Variants in DCLRE1A observed in about 807,000 individuals in gnomAD.
DCLRE1A encodes DNA cross-link repair 1A.
A neutral mutation model predicts 91.9 loss-of-function variants in DCLRE1A; 64 were observed. The ratio of observed to expected loss-of-function variants is 0.70; its 90% CI spans 0.57 to 0.86. The LOEUF (loss-of-function observed/expected upper bound fraction) is 0.86, where lower values mean the gene tolerates loss of function less well. DCLRE1A is among the 40% of genes least tolerant of loss of function. The pLI is 0.00. For missense variants in DCLRE1A, 1,145 were observed against 1,213.3 expected, an observed-to-expected ratio of 0.94 and a Z score of 0.84; for synonymous variants, 416 against 431.1, an observed-to-expected ratio of 0.96 and a Z score of 0.43.
Position 113,849,849 on chromosome 10 carries a change from G to T in DCLRE1A, c.1256C>A (p.Ala419Asp). The change falls in exon 2 of 9, where the codon GCT becomes GAT. Residue 419 changes from alanine to aspartate, a missense_variant. Ala to Asp is a moderately radical substitution (Grantham distance 126). Transcript: ENST00000361384. Reference protein sequence around the residue: ...LFPPALAGKLAASVHQATKAK... With the variant: ...LFPPALAGKLDASVHQATKAK... ...TTTAGTTGCCTGATGAACAGAAGCAGCAAGCTTCCCTGCCAATGCAGGTGG... is the reference window on the plus strand; with the variant it reads ...TTTAGTTGCCTGATGAACAGAAGCATCAAGCTTCCCTGCCAATGCAGGTGG... 1 of 1,613,962 alleles carries T rather than the reference G, an allele frequency of 6.2e-7. No individual in the cohort carries two copies. The highest frequency in any genetic ancestry group is 8.5e-7 in the Non-Finnish European group (1 of 1,180,012).
Position 113,849,865 on chromosome 10 carries a change from A to G in DCLRE1A, c.1240T>C (p.Leu414=), listed in dbSNP as rs762232394. Residue 414 remains leucine (L), a synonymous_variant, in exon 2 of 9, where the codon TTG becomes CTG. Coordinates refer to ENST00000361384, the MANE Select transcript of DCLRE1A (RefSeq NM_014881.5). ...ACAGAAGCAGCAAGCTTCCCTGCCA[A>G]TGCAGGTGGAAACAACACAAAATCA... is the stretch of plus-strand genomic sequence containing the variant. ...GGDFVLFPPA[L]AGKLAASVHQ... 3.7e-6 allele frequency: 6 copies of G among 1,613,896 alleles called. No homozygotes were observed. The highest frequency in any genetic ancestry group is 3.3e-5 in the South Asian group (3 of 91,092).
chr10:113,842,259 A>G (rs575146135), intron 6 of DCLRE1A, 84 bp downstream of exon 6: 8 of 1,157,896 alleles, frequency 6.9e-6, no homozygotes, highest in Non-Finnish European at 9.5e-6. Context: ...ATCAAATGCA[A>G]GAGTAGAAAC....
chr10:113,839,360 C>T (rs1007402872), intron 7 of DCLRE1A, among the ~76,000 whole-genome samples: 6 of 148,346 alleles, frequency 4.0e-5, no homozygotes, highest in African/African-American at 7.4e-5. Flanking sequence ...AGAAATCTTC[C>T]GAAAATATTT....
intron 1 of DCLRE1A, 115 bp downstream of exon 1, chr10:113,852,608 T>C: frequency 1.0e-6 from 1 of 992,562 alleles, no homozygotes; most frequent in Non-Finnish European, 1.5e-6. Context: ...TTTCCCAGTG[T>C]CTCATCTCTC....
rs554293329 is a variant in DCLRE1A, at chr10:113,841,495, G to A, written c.2731C>T (p.Leu911Phe). 2 of 1,613,558 alleles carry A rather than the reference G, an allele frequency of 1.2e-6. No individual in the cohort carries two copies. Among genetic ancestry groups the A allele is most frequent in the South Asian group, 1.1e-5 (1 of 91,030 alleles). Residue 911 changes from leucine (L) to phenylalanine (F), a missense_variant, in exon 7 of 9, where the codon CTC becomes TTC. Transcript: ENST00000361384. Reference sequence around the variant, plus strand: ...AGTGAATTAATTTCTGGTATATTGAGGCACTGTAGAGTTTTATATTTTTCC... The same window carrying A: ...AGTGAATTAATTTCTGGTATATTGAAGCACTGTAGAGTTTTATATTTTTCC... ...SQEKYKTLQC[L>F]NIPEINSLIT... is the part of the protein sequence containing the mutation.
Position 113,849,953 on chromosome 10 carries a change from C to T in DCLRE1A, c.1152G>A (p.Leu384=). 1 of 1,614,104 alleles carries T rather than the reference C, an allele frequency of 6.2e-7. No individual in the cohort carries two copies. Among genetic ancestry groups the T allele is most frequent in the Non-Finnish European group, 8.5e-7 (1 of 1,180,034 alleles). Residue 384 remains leucine, a synonymous_variant, in exon 2 of 9, where the codon TTG becomes TTA. Transcript: ENST00000361384. ...CATTATTTTGAGAAATAGGTTGAGA[C>T]AAATCATTTAGACTATTGAATCTAT... ...GLYRFNSLND[L]SQPISQNNES... is the part of the protein sequence containing the mutation.
Position 113,849,566 on chromosome 10 carries a change from C to T in DCLRE1A, c.1539G>A (p.Val513=). ...ACFCRKALEG[V]PVGKATILNT... ...TTAAAATTGTAGCTTTACCAACTGG[C>T]ACACCCTCTAATGCCTTTCTGCAGA... Residue 513 remains valine (V), a synonymous_variant, in exon 2 of 9, where the codon GTG becomes GTA. Transcript: ENST00000361384. 6.2e-7 allele frequency: 1 copy of T among 1,613,800 alleles called. No homozygotes were observed. Among genetic ancestry groups the T allele is most frequent in the South Asian group, 1.1e-5 (1 of 91,078 alleles).
intron 1 of DCLRE1A, among the ~76,000 whole-genome samples, chr10:113,851,720 T>C (rs1845652783): frequency 6.7e-6 from 1 of 149,266 alleles, no homozygotes; most frequent in Admixed American, 6.7e-5. Context: ...ATTATATCTA[T>C]ACTTTTTTTT....
rs1845343637 is a variant in DCLRE1A at position 113,835,200 on chromosome 10, G to A, written c.3075C>T (p.Ser1025=). Residue 1025 remains serine (S), a synonymous_variant, in exon 9 of 9, where the codon AGC becomes AGT. Transcript: ENST00000361384. ...ACTCTCTAAAATATTTCTCCATTGT[G>A]CTCCTAGATTTCCAGGTGCCCACAT... is the stretch of plus-strand genomic sequence containing the variant. The part of the protein sequence containing the change: ...TVNVGTWKSR[S]TMEKYFREWK... The A allele has an allele frequency of 6.8e-6, 11 of 1,613,976 alleles. No homozygotes were observed. Among genetic ancestry groups the A allele is most frequent in the Non-Finnish European group, 9.3e-6 (11 of 1,179,984 alleles).
In DCLRE1A at chr10:113,844,209, G is replaced by A. The variant is rs1219320049; in HGVS notation, c.2414C>T (p.Pro805Leu). 6.2e-7 allele frequency: 1 copy of A among 1,613,936 alleles called. No individual in the cohort carries two copies. Among genetic ancestry groups the A allele is most frequent in the Non-Finnish European group, 8.5e-7 (1 of 1,179,992 alleles). ...PGAVMILFYL[P>L]NGTVILHTGD... ...CGTGTGTAATATGACAGTACCATTA[G>A]GAAGATAAAAGAGGATCATGACAGC... The change falls in exon 5 of 9, where the codon CCT (proline) becomes CTT (leucine). Residue 805 changes from proline to leucine, a missense_variant. By Grantham distance (98) the Pro-to-Leu change is moderately conservative. Coordinates refer to ENST00000361384, the MANE Select transcript of DCLRE1A (RefSeq NM_014881.5).
Position 113,837,197 on chromosome 10 carries a change from G to GTAAGA in DCLRE1A, c.2826_2827insTCTTA (p.Gln943SerfsTer6), listed in dbSNP as rs1334289688. 6.2e-7 allele frequency: 1 copy of GTAAGA among 1,608,066 alleles called. No individual in the cohort carries two copies. The highest frequency in any genetic ancestry group is 8.5e-7 in the Non-Finnish European group (1 of 1,178,252). On this transcript the variant is annotated frameshift_variant, in exon 8 of 9. Transcript: ENST00000361384. LOFTEE classifies it high-confidence loss of function. ...CCACCACACTTCTTCAAATGACTCT[G>GTAAGA]TAAGCCCTGTTAAATTAAAATAGCA...
chr10:113,835,395 C>A, intron 8 of DCLRE1A, 83 bp from the exon 9 acceptor site: 1 of 1,394,022 alleles, frequency 7.2e-7, no homozygotes. Flanking sequence ...TAGAATAAAA[C>A]AAAAGAGAAA....
chr10:113,847,969 C>T (rs1390788646), intron 2 of DCLRE1A, among the ~76,000 whole-genome samples: 1 of 152,176 alleles, frequency 6.6e-6, no homozygotes, highest in Non-Finnish European at 1.5e-5. Context: ...ATAAGCATAA[C>T]TTCCCAATTC....
chr10:113,844,299 A>G, intron 4 of DCLRE1A, 55 bp from the exon 5 acceptor site: 1 of 1,599,978 alleles, frequency 6.3e-7, no homozygotes, highest in East Asian at 2.2e-5. Context: ...CTAAAGGAAC[A>G]GTATCTATTT....
intron 1 of DCLRE1A, among the ~76,000 whole-genome samples, chr10:113,851,709 C>T (rs1845652566): frequency 6.6e-6 from 1 of 151,212 alleles, no homozygotes; most frequent in Non-Finnish European, 1.5e-5. Context: ...TTAGAAACCA[C>T]ATTATATCTA....
chr10:113,848,447 A>C (rs1845578331), intron 2 of DCLRE1A, among the ~76,000 whole-genome samples: 1 of 152,244 alleles, frequency 6.6e-6, no homozygotes, highest in Admixed American at 6.5e-5. Context: ...ACATCAATAA[A>C]GCACTTTAAA....
chr10:113,840,837 G>A (rs1300191222), intron 7 of DCLRE1A, among the ~76,000 whole-genome samples: 2 of 152,092 alleles, frequency 1.3e-5, no homozygotes, highest in Non-Finnish European at 2.9e-5. Context: ...TGGAATAAAC[G>A]TTAGTTAGTA....
intron 1 of DCLRE1A, among the ~76,000 whole-genome samples, chr10:113,851,168 T>C (rs907409448): frequency 6.6e-6 from 1 of 152,230 alleles, no homozygotes; most frequent in Admixed American, 6.5e-5. Flanking sequence ...GCTTCATCTA[T>C]ATGACATTTT....
rs1216821948 is a variant in DCLRE1A at position 113,853,656 on chromosome 10, T to G, written c.-474A>C. On this transcript the variant is annotated 5_prime_UTR_variant, in exon 1 of 9. Transcript: ENST00000361384. The stretch of plus-strand genomic sequence containing the variant: ...AATTCATAAATCCAACCACAGTCCC[T>G]GGACAAAGGGCTTAACAGGTATCCC... 1 of 154,458 alleles carries G rather than the reference T, an allele frequency of 6.5e-6. No homozygotes were observed. The highest frequency in any genetic ancestry group is 1.4e-5 in the Non-Finnish European group (1 of 69,776). The allele number at this position is 154,458 out of a possible 1,614,324, so 9.6% of individuals were successfully genotyped here. A position where few individuals can be genotyped will look rare whatever the true frequency, so the allele number is the denominator to read the frequency against.
Sources: gnomAD v4.1 joint callset for allele counts (sites outside exome capture counted in the v4.1 genomes callset) on GRCh38, gnomAD v4.1.1 for gene constraint, MANE v1.5 for transcripts, NCBI Gene and HGNC (gene_info 2026-07-23, HGNC 2026-07-21) for gene names.